BCAP31: variants seen among roughly 807,000 people sequenced by gnomAD.
The protein encoded by BCAP31 is B cell receptor associated protein 31.
For missense variants in BCAP31, 124 were observed against 193.0 expected, an observed-to-expected ratio of 0.64 and a Z score of 2.12; for synonymous variants, 75 against 80.9, an observed-to-expected ratio of 0.93 and a Z score of 0.39.
intron 4 of BCAP31, among the ~76,000 whole-genome samples, chrX:153,706,068 C>T (rs781963650): frequency 1.8e-5 from 2 of 111,710 alleles, no homozygotes; most frequent in South Asian, 3.7e-4. Context: ...TGTGTGTGTC[C>T]GAAAGCCTGG....
Position 153,700,851 on chromosome X carries a change from G to A in BCAP31, c.*86C>T. ...GGGAAGCAGAAGGGCACAAACAGAA[G>A]TACTGGAGGGAGAGGCCGGGCTCTC... On this transcript the variant is annotated 3_prime_UTR_variant, in exon 8 of 8. Coordinates refer to ENST00000345046, the MANE Select transcript of BCAP31 (RefSeq NM_001256447.2). 6 of 958,772 alleles carry A rather than the reference G, an allele frequency of 6.3e-6. No homozygotes were observed. The Admixed American group carries it at 1.4e-4, about 23-fold the overall frequency. The allele number at this position is 958,772 out of a possible 1,213,427, so 79.0% of individuals were successfully genotyped here.
At chrX:153,701,260 ATCCAGTCCC>A (rs2091516379) in intron 7 of BCAP31, among the ~76,000 whole-genome samples, 1 of 112,223 alleles carries the variant, frequency 8.9e-6, no homozygotes, top group African/African-American at 3.2e-5. Flanking sequence ...ACAGCAAGGC[ATCCAGTCCC>A]CTTCAAGACC....
intron 2 of BCAP31, among the ~76,000 whole-genome samples, chrX:153,722,245 G>A (rs1018818642): frequency 8.9e-6 from 1 of 112,059 alleles, no homozygotes; most frequent in Non-Finnish European, 1.9e-5. Context: ...AATCACTGAA[G>A]GCAATGATAT....
intron 6 of BCAP31, 36 bp from the exon 7 acceptor site, chrX:153,702,143 G>A (rs369102661): frequency 2.0e-5 from 23 of 1,130,978 alleles, no homozygotes; most frequent in East Asian, 3.0e-5. Context: ...AAACAGAAAC[G>A]AAAAGACAGG....
At chrX:153,713,660 A>G (rs1166369760) in intron 4 of BCAP31, among the ~76,000 whole-genome samples, 1 of 110,890 alleles carries the variant, frequency 9.0e-6, no homozygotes, top group Non-Finnish European at 1.9e-5. Context: ...GATGATCTCA[A>G]CAGCTTCTGG....
Position 153,700,966 on chromosome X carries a change from C to A in BCAP31, c.712G>T (p.Asp238Tyr). ...EEHAKLQAAV[D>Y]GPMDKKEE is the part of the protein sequence containing the mutation. Reference sequence around the variant, plus strand: ...TCTTCCTTCTTGTCCATGGGACCATCTACTGCAGCCTGGAAAGGGACAGAA... The same window carrying A: ...TCTTCCTTCTTGTCCATGGGACCATATACTGCAGCCTGGAAAGGGACAGAA... Residue 238 changes from aspartate to tyrosine, a missense_variant, in exon 8 of 8, where the codon GAT (aspartate) becomes TAT (tyrosine). Coordinates refer to ENST00000345046, the MANE Select transcript of BCAP31 (RefSeq NM_001256447.2). The A allele has an allele frequency of 8.3e-7, 1 of 1,207,044 alleles. No individual in the cohort carries two copies.
In BCAP31 at chrX:153,715,485, T is replaced by TCCATGGCTAGC. The variant is rs1196761096; in HGVS notation, c.341+46_341+56dup. 5.1e-6 allele frequency: 6 copies of TCCATGGCTAGC among 1,183,497 alleles called. No individual in the cohort carries two copies. In the Admixed American group the frequency reaches 1.3e-4, roughly 26 times the overall value. ...GAGACTGAGCCCACTGAGCTCGGTGTCCATGGCTAGCCCATGGCTCCTTTC... is the reference window on the plus strand; with the variant it reads ...GAGACTGAGCCCACTGAGCTCGGTGTCCATGGCTAGCCCATGGCTAGCCCATGGCTCCTTTC... On this transcript the variant is annotated intron_variant, in intron 4 of 7. Coordinates refer to ENST00000345046, the MANE Select transcript of BCAP31 (RefSeq NM_001256447.2).
At chrX:153,715,780 C>A in intron 3 of BCAP31, 91 bp from the exon 4 acceptor site, 2 of 1,039,691 alleles carry the variant, frequency 1.9e-6, no homozygotes, top group South Asian at 4.0e-5. Flanking sequence ...TGAGACAGGT[C>A]AGACTCACTT....
chrX:153,716,114 C>T (rs1557050078), intron 3 of BCAP31, among the ~76,000 whole-genome samples: 1 of 104,856 alleles, frequency 9.5e-6, no homozygotes, highest in Admixed American at 1.0e-4. Context: ...TGCAGTGAGC[C>T]GAAATTGAGC....
At chrX:153,723,562 C>A (rs1557051556) in intron 1 of BCAP31, 2 of 1,168,352 alleles carry the variant, frequency 1.7e-6, no homozygotes, top group Non-Finnish European at 2.3e-6. Context: ...CCCGACGATC[C>A]CTGCCCCAGG....
intron 3 of BCAP31, among the ~76,000 whole-genome samples, 184 bp downstream of exon 3, chrX:153,720,688 C>T (rs1394100911): frequency 1.8e-5 from 2 of 112,133 alleles, no homozygotes; most frequent in African/African-American, 6.5e-5. Flanking sequence ...AGTGAAGAAC[C>T]GACTAGCGGT....
At chrX:153,717,326 C>T (rs1462886642) in intron 3 of BCAP31, among the ~76,000 whole-genome samples, 1 of 112,579 alleles carries the variant, frequency 8.9e-6, no homozygotes, top group Admixed American at 9.4e-5. Context: ...TACTGCTTTT[C>T]CCCATGCATC....
Position 153,702,959 on chromosome X carries a change from C to T in BCAP31, c.577G>A (p.Asp193Asn). The change falls in exon 6 of 8, where the codon GAC becomes AAC. Residue 193 changes from aspartate to asparagine, a missense_variant. By Grantham distance (23) the Asp-to-Asn change is conservative. Transcript: ENST00000345046. ...SLKADLQKLKDELASTKQKLE... is the reference protein window; with the variant it reads ...SLKADLQKLKNELASTKQKLE... ...CTTTGCTTAGTGCTGGCCAGCTCGT[C>T]CTTTAGCTTCTGCAGGTCAGCCTTC... 8.3e-7 allele frequency: 1 copy of T among 1,210,357 alleles called. No homozygotes were observed. The highest frequency in any genetic ancestry group is 1.8e-5 in the South Asian group (1 of 56,968).
intron 5 of BCAP31, 27 bp from the exon 6 acceptor site, chrX:153,703,085 TACTC>T: frequency 8.3e-7 from 1 of 1,206,711 alleles, no homozygotes; most frequent in Non-Finnish European, 1.1e-6. Flanking sequence ...AGGCCAGGGT[TACTC>T]AGGAGGGAGG....
intron 1 of BCAP31, 173 bp from the exon 2 acceptor site, chrX:153,723,461 C>G (rs782128022): frequency 1.9e-5 from 22 of 1,143,693 alleles, no homozygotes; most frequent in Non-Finnish European, 2.2e-5. Context: ...GCCTCTTGGC[C>G]AGCAGCGTTC....
chrX:153,704,408 C>T (rs1557048023), intron 4 of BCAP31, among the ~76,000 whole-genome samples: 1 of 112,127 alleles, frequency 8.9e-6, no homozygotes, highest in Non-Finnish European at 1.9e-5. Context: ...CGGGTCGGGG[C>T]CTAGACGTGC....
At position 153,715,652 on chromosome X, in the gene BCAP31, C is replaced by A; in HGVS notation, c.231G>T (p.Thr77=). 1 of 1,211,595 alleles carries A rather than the reference C, an allele frequency of 8.3e-7. No homozygotes were observed. The highest frequency in any genetic ancestry group is 1.1e-6 in the Non-Finnish European group (1 of 895,348). ...GATTGTTCTGGAGGTTCACCTTTTC[C>A]GTCACATCATCATACTTCCGAATTT... ...VREIRKYDDV[T]EKVNLQNNPG... Residue 77 remains threonine, a synonymous_variant, in exon 4 of 8, where the codon ACG becomes ACT. Coordinates refer to ENST00000345046, the MANE Select transcript of BCAP31 (RefSeq NM_001256447.2).
At position 153,712,410 on chromosome X, in the gene BCAP31, ATAAAT is replaced by A. The variant is rs782575035; in HGVS notation, c.341+3127_341+3131del. 1.1e-3 allele frequency among the ~76,000 whole-genome samples: 98 copies of A among 91,239 alleles called. 2 individuals carry two copies. Among genetic ancestry groups the A allele is most frequent in the South Asian group, 1.4e-3 (3 of 2,187 alleles). 79.2% of individuals were successfully genotyped at this position (91,239 alleles called of 115,157 possible). On this transcript the variant is annotated intron_variant, in intron 4 of 7. Coordinates refer to ENST00000345046, the MANE Select transcript of BCAP31 (RefSeq NM_001256447.2). ...GGAGCGAGACCTTGTCTCAAAAAAA[ATAAAT>A]AAATAAATAAATAAATAAATAAATA...
intron 1 of BCAP31, chrX:153,723,616 C>T: frequency 8.6e-7 from 1 of 1,167,906 alleles, no homozygotes; most frequent in Non-Finnish European, 1.1e-6. Flanking sequence ...AGGCGTTCTT[C>T]GGGAAGAGCA....
Sources: gnomAD v4.1 joint callset for allele counts (sites outside exome capture counted in the v4.1 genomes callset) on GRCh38, gnomAD v4.1.1 for gene constraint, MANE v1.5 for transcripts, NCBI Gene and HGNC (gene_info 2026-07-23, HGNC 2026-07-21) for gene names.